Variants in GPHN observed in about 807,000 individuals in gnomAD.
GPHN encodes the protein gephyrin.
Under a neutral mutation model 95.5 loss-of-function variants are expected in GPHN, and 17 were observed. The ratio of observed to expected loss-of-function variants is 0.18; its 90% CI spans 0.12 to 0.27. GPHN has a LOEUF of 0.27. Ranked by LOEUF, GPHN falls within the 10% of genes least tolerant of loss-of-function variation. The pLI, the probability that GPHN is intolerant of heterozygous loss-of-function variation, is 1.00. For synonymous variants in GPHN, 320 were observed against 322.5 expected (o/e 0.99, Z 0.08); for missense variants, 660 against 978.1 (o/e 0.67, Z 4.34).
At chr14:67,615,666 A>G in the GPHN span, 1 of 527,634 alleles carries the variant, frequency 1.9e-6, no homozygotes, top group South Asian at 1.7e-5. Context: ...GACAATTTGA[A>G]GCTATGGCAA....
At chr14:67,341,356 G>A in the GPHN span, among the ~76,000 whole-genome samples, 9 of 151,224 alleles carry the variant, frequency 6.0e-5, no homozygotes, top group Non-Finnish European at 1.3e-4. Context: ...CCCTCCACCC[G>A]GCAGCCGCCC....
chr14:66,961,900 G>GTGTATA lies in GPHN; in HGVS notation c.829-3290_829-3289insGTATAT, dbSNP rs1177915817. On this transcript the variant is annotated intron_variant, in intron 8 of 22. Transcript: ENST00000478722. ...AACCAACCATTCTATCCCTGAATGT[G>GTGTATA]TATATATATATATATATATATATAT... is the stretch of plus-strand genomic sequence containing the variant. Among the ~76,000 whole-genome samples, 69 of 52,992 alleles carry GTGTATA rather than the reference G, an allele frequency of 1.3e-3. 1 individual carries two copies. Among genetic ancestry groups the GTGTATA allele is most frequent in the South Asian group, 2.7e-3 (4 of 1,480 alleles). The allele number at this position is 52,992 out of a possible 152,430, so 34.8% of individuals were successfully genotyped here.
At chr14:67,005,407 A>T (rs1006151095) in intron 9 of GPHN, among the ~76,000 whole-genome samples, 2 of 151,974 alleles carry the variant, frequency 1.3e-5, no homozygotes, top group African/African-American at 4.8e-5. Context: ...GCTAAGATTT[A>T]TAGAGAACTT....
intron 2 of GPHN, among the ~76,000 whole-genome samples, chr14:66,738,319 T>TA (rs1230028759): frequency 6.6e-6 from 1 of 152,184 alleles, no homozygotes; most frequent in Non-Finnish European, 1.5e-5. Flanking sequence ...CTAAAATAGT[T>TA]ACATAAGAAC....
chr14:66,613,561 C>T (rs1169867800), intron 1 of GPHN, among the ~76,000 whole-genome samples: 1 of 152,054 alleles, frequency 6.6e-6, no homozygotes, highest in Non-Finnish European at 1.5e-5. Context: ...TTTGCTGCTC[C>T]GTACACATCT....
chr14:67,459,925 T>C, the GPHN span, among the ~76,000 whole-genome samples: 1 of 152,172 alleles, frequency 6.6e-6, no homozygotes, highest in African/African-American at 2.4e-5. Flanking sequence ...AGTGCAAAAC[T>C]GCAAACATGC....
the GPHN span, among the ~76,000 whole-genome samples, chr14:67,542,231 G>A: frequency 3.7e-4 from 57 of 152,248 alleles, no homozygotes; most frequent in South Asian, 8.3e-4. Flanking sequence ...CAATCTTCTC[G>A]GTCCCCCATC....
At chr14:66,780,408 C>G (rs1322875943) in intron 3 of GPHN, among the ~76,000 whole-genome samples, 1 of 151,858 alleles carries the variant, frequency 6.6e-6, no homozygotes, top group African/African-American at 2.4e-5. Flanking sequence ...GAAGATGTAA[C>G]CTTAAGGAAG....
At chr14:66,829,488 A>C (rs975387038) in intron 4 of GPHN, among the ~76,000 whole-genome samples, 2 of 152,184 alleles carry the variant, frequency 1.3e-5, no homozygotes, top group Non-Finnish European at 2.9e-5. Context: ...ACTCATTTCT[A>C]TACAAAGTAT....
At chr14:67,632,851 C>G in the GPHN span, among the ~76,000 whole-genome samples, 18 of 114,250 alleles carry the variant, frequency 1.6e-4, no homozygotes, top group Non-Finnish European at 3.0e-4. Context: ...GGCAGAGTCT[C>G]GCTCTATCGC....
At chr14:67,714,230 G>A in the GPHN span, among the ~76,000 whole-genome samples, 37 of 152,256 alleles carry the variant, frequency 2.4e-4, no homozygotes, top group African/African-American at 8.9e-4. Flanking sequence ...CCACCTTCAG[G>A]GCTCAAGTTC....
intron 1 of GPHN, among the ~76,000 whole-genome samples, chr14:66,581,023 A>G (rs2061142328): frequency 6.6e-6 from 1 of 151,856 alleles, no homozygotes; most frequent in South Asian, 2.1e-4. Context: ...ACAAGTTGAT[A>G]AATGTCATAC....
intron 3 of GPHN, among the ~76,000 whole-genome samples, chr14:66,816,130 C>T (rs1596000001): frequency 6.6e-6 from 1 of 152,084 alleles, no homozygotes; most frequent in East Asian, 1.9e-4. Context: ...TATATATGCA[C>T]CAACACAGGA....
the GPHN span, among the ~76,000 whole-genome samples, chr14:67,342,212 A>AATTT: frequency 2.5e-5 from 3 of 119,164 alleles, no homozygotes; most frequent in African/African-American, 1.1e-4. Context: ...AAATAAATAA[A>AATTT]TAAAATAAAA....
the GPHN span, among the ~76,000 whole-genome samples, chr14:67,512,441 G>T: frequency 6.6e-6 from 1 of 152,168 alleles, no homozygotes; most frequent in Non-Finnish European, 1.5e-5. Flanking sequence ...CTAAGGCTTT[G>T]CCAGGTCAGA....
At chr14:66,677,750 T>C (rs1436508663) in intron 1 of GPHN, among the ~76,000 whole-genome samples, 2 of 152,076 alleles carry the variant, frequency 1.3e-5, no homozygotes, top group African/African-American at 4.8e-5. Flanking sequence ...AAAATGGATC[T>C]AAAATGGTTT....
At chr14:67,295,337 A>C in the GPHN span, among the ~76,000 whole-genome samples, 65 of 151,956 alleles carry the variant, frequency 4.3e-4, no homozygotes, top group African/African-American at 1.5e-3. Context: ...AAAAAATACA[A>C]AAATTAGCTG....
intron 17 of GPHN, among the ~76,000 whole-genome samples, chr14:67,137,101 G>T (rs570578994): frequency 6.6e-6 from 1 of 151,940 alleles, no homozygotes; most frequent in East Asian, 2.0e-4. Flanking sequence ...AGGTTGCAGT[G>T]AGTAGAGGTA....
At chr14:66,878,674 C>T (rs2063784971) in intron 4 of GPHN, among the ~76,000 whole-genome samples, 1 of 152,144 alleles carries the variant, frequency 6.6e-6, no homozygotes, top group South Asian at 2.1e-4. Context: ...GATACCATCT[C>T]ATGCCAATTA....
Sources: gnomAD v4.1 joint callset for allele counts (sites outside exome capture counted in the v4.1 genomes callset) on GRCh38, gnomAD v4.1.1 for gene constraint, MANE v1.5 for transcripts, NCBI Gene and HGNC (gene_info 2026-07-23, HGNC 2026-07-21) for gene names.